SBNO2: variants seen among roughly 807,000 people sequenced by gnomAD.
SBNO2 encodes the protein protein strawberry notch homolog 2.
In SBNO2, 89 loss-of-function variants were observed where a neutral mutation model predicts 146.3. That is an observed-to-expected ratio of 0.61 (90% CI 0.51 to 0.73). The LOEUF is 0.73. SBNO2 is among the 30% of genes least tolerant of loss of function. SBNO2 has a pLI of 0.00. For synonymous variants in SBNO2, 1,147 were observed against 892.6 expected (o/e 1.29, Z -5.08); for missense variants, 2,092 against 2,003.7 (o/e 1.04, Z -0.84).
intron 1 of SBNO2, among the ~76,000 whole-genome samples, chr19:1,162,136 G>C (rs1568638629): frequency 6.8e-6 from 1 of 148,124 alleles, no homozygotes; most frequent in Non-Finnish European, 1.5e-5. Flanking sequence ...GCAGGGATGG[G>C]GTCTTTTAAA....
intron 1 of SBNO2, among the ~76,000 whole-genome samples, chr19:1,164,603 CAGG>C (rs144254935): frequency 0.074 from 70 of 952 alleles, no homozygotes; most frequent in Admixed American, 0.074. Flanking sequence ...GCAGTGGAGA[CAGG>C]AGGAGGAGGA....
chr19:1,120,458 T>C (rs2079887755), intron 11 of SBNO2, among the ~76,000 whole-genome samples: 1 of 151,864 alleles, frequency 6.6e-6, no homozygotes, highest in African/African-American at 2.4e-5. Context: ...CCTCTGCCTC[T>C]CAGATTCAAG....
chr19:1,123,759 C>T (rs1318270262), intron 6 of SBNO2, 120 bp from the exon 7 acceptor site: 14 of 1,126,044 alleles, frequency 1.2e-5, no homozygotes, highest in Middle Eastern at 2.8e-4. Context: ...GGGTGGGAGA[C>T]GGCTCTGTCT....
At chr19:1,121,323 T>C (rs1323090712) in intron 11 of SBNO2, among the ~76,000 whole-genome samples, 1 of 152,232 alleles carries the variant, frequency 6.6e-6, no homozygotes, top group Non-Finnish European at 1.5e-5. Flanking sequence ...ATCTCAGGGT[T>C]ATCGCTATTT....
At chr19:1,170,400 G>A (rs901033723) in intron 1 of SBNO2, among the ~76,000 whole-genome samples, 2 of 152,134 alleles carry the variant, frequency 1.3e-5, no homozygotes, top group South Asian at 2.1e-4. Flanking sequence ...GGTTGGGGGC[G>A]AGAGTGCAGA....
Position 1,147,432 on chromosome 19 carries a change from T to TA in SBNO2, c.168-13_168-12insT. The TA allele has an allele frequency of 1.5e-6, 1 of 660,006 alleles. No individual in the cohort carries two copies. The highest frequency in any genetic ancestry group is 2.5e-5 in the South Asian group (1 of 40,502). The allele number at this position is 660,006 out of a possible 1,614,324, so 40.9% of individuals were successfully genotyped here. The stretch of plus-strand genomic sequence containing the variant: ...AGCTCATGAACGGGCTGGAGGGAGA[T>TA]GGGGGGGGGGGAGGTGAGATGGGGT... On this transcript the variant is annotated splice_polypyrimidine_tract_variant and intron_variant, in intron 3 of 31. Coordinates refer to ENST00000361757, the MANE Select transcript of SBNO2 (RefSeq NM_014963.3).
Position 1,111,741 on chromosome 19 carries a change from C to A in SBNO2, c.2701-127G>T. 6.7e-6 allele frequency: 5 copies of A among 742,012 alleles called. No individual in the cohort carries two copies. In the South Asian group the frequency reaches 8.8e-5, roughly 13 times the overall value. The allele number at this position is 742,012 out of a possible 1,614,324, so 46.0% of individuals were successfully genotyped here. ...CCTGCCCTCCCCTAGACTCCTAGAC[C>A]CCACCTCCCCCAGCTCTCAGCCACC... On this transcript the variant is annotated intron_variant, in intron 23 of 31. Coordinates refer to ENST00000361757, the MANE Select transcript of SBNO2 (RefSeq NM_014963.3).
At chr19:1,116,160 G>A in intron 16 of SBNO2, 57 bp from the exon 17 acceptor site, 1 of 1,527,532 alleles carries the variant, frequency 6.5e-7, no homozygotes, top group Non-Finnish European at 8.9e-7. Context: ...AGGCGGGGTT[G>A]CTCTCCAGGA....
Position 1,128,006 on chromosome 19 carries a change from G to A in SBNO2, c.280-241C>T, listed in dbSNP as rs1226504243. Among the ~76,000 whole-genome samples the A allele has an allele frequency of 3.3e-5, 5 of 152,272 alleles. No individual in the cohort carries two copies. The South Asian group carries it at 1.0e-3, about 32-fold the overall frequency. ...TTTTTTTGTATTTTTACTAGGGACG[G>A]GGTTTCACCATGTTGGCCAGCCTGG... On this transcript the variant is annotated intron_variant, in intron 4 of 31. Coordinates refer to ENST00000361757, the MANE Select transcript of SBNO2 (RefSeq NM_014963.3).
rs749757173 is a variant in SBNO2, at chr19:1,114,408, G to A, written c.1900C>T (p.Arg634Cys). 19 of 1,533,720 alleles carry A rather than the reference G, an allele frequency of 1.2e-5. No individual in the cohort carries two copies. Among genetic ancestry groups the A allele is most frequent in the South Asian group, 2.5e-5 (2 of 81,580 alleles). The part of the protein sequence containing the change: ...GSKRKRRPRG[R>C]GAKAPRLACE... ...GCCAGCCGGGGGGCTTTGGCCCCGC[G>A]TCCCCGAGGTCGCCCTGCAGGGAAG... Residue 634 changes from arginine to cysteine, a missense_variant, in exon 18 of 32, where the codon CGC becomes TGC. By Grantham distance (180) the Arg-to-Cys change is radical. Coordinates refer to ENST00000361757, the MANE Select transcript of SBNO2 (RefSeq NM_014963.3).
At chr19:1,164,589 A>G (rs1330028045) in intron 1 of SBNO2, among the ~76,000 whole-genome samples, 4 of 96,482 alleles carry the variant, frequency 4.1e-5, no homozygotes, top group Non-Finnish European at 8.0e-5. Flanking sequence ...CCCAGATGCC[A>G]GGGGCAGTGG....
At chr19:1,129,591 G>C (rs2080005311) in intron 4 of SBNO2, among the ~76,000 whole-genome samples, 1 of 152,144 alleles carries the variant, frequency 6.6e-6, no homozygotes, top group Admixed American at 6.5e-5. Context: ...TCATCCCACT[G>C]AGGCCCACGA....
intron 5 of SBNO2, 103 bp from the exon 6 acceptor site, chr19:1,124,125 C>T: frequency 9.5e-7 from 1 of 1,049,978 alleles, no homozygotes; most frequent in Non-Finnish European, 1.4e-6. Flanking sequence ...CTGCCCCGTC[C>T]TCGCCTCCCC....
chr19:1,161,791 G>A (rs940810614), intron 1 of SBNO2, among the ~76,000 whole-genome samples: 2 of 151,796 alleles, frequency 1.3e-5, no homozygotes, highest in Non-Finnish European at 2.9e-5. Flanking sequence ...GAGGCCCGGA[G>A]CCTCCCTGAC....
chr19:1,120,757 C>T (rs1253559660), intron 11 of SBNO2, among the ~76,000 whole-genome samples: 1 of 152,234 alleles, frequency 6.6e-6, no homozygotes, highest in African/African-American at 2.4e-5. Context: ...CAACCTCCGA[C>T]TCCCTGGTTC....
In SBNO2 at chr19:1,120,027, A is replaced by T. The variant is rs1472102648; in HGVS notation, c.1150-4T>A. 20 of 1,549,910 alleles carry T rather than the reference A, an allele frequency of 1.3e-5. No homozygotes were observed. The highest frequency in any genetic ancestry group is 1.7e-5 in the Non-Finnish European group (20 of 1,146,330). On this transcript the variant is annotated splice_polypyrimidine_tract_variant and splice_region_variant and intron_variant, in intron 11 of 31. Transcript: ENST00000361757. ...TGTGACACTCGTCGAACACGATCTG[A>T]GGCACACGTGGGTTAAGGAGTATTC... is the stretch of plus-strand genomic sequence containing the variant.
In SBNO2 at chr19:1,157,502, G is replaced by A. The variant is rs1012893886; in HGVS notation, c.-126-3100C>T. Reference sequence around the variant, plus strand: ...AGCCAAACGTCCAGCGGGCAGCAGAGCGTGTCCCCTGCCTGGTTTTATTTT... The same window carrying A: ...AGCCAAACGTCCAGCGGGCAGCAGAACGTGTCCCCTGCCTGGTTTTATTTT... On this transcript the variant is annotated intron_variant, in intron 1 of 31. Transcript: ENST00000361757. The surrounding 1 kb of genome is among the most constrained non-coding windows in gnomAD (Gnocchi z 6.8). Among the ~76,000 whole-genome samples, 1 of 152,060 alleles carries A rather than the reference G, an allele frequency of 6.6e-6. No homozygotes were observed. Among genetic ancestry groups the A allele is most frequent in the Admixed American group, 6.6e-5 (1 of 15,262 alleles).
chr19:1,158,225 G>A lies in SBNO2; in HGVS notation c.-126-3823C>T, dbSNP rs191458358. ...CCCTGGGGGTCCCTGAGCACCTGTC[G>A]TGTGGAGCCCCTTCGCGCGCTCCGC... On this transcript the variant is annotated intron_variant, in intron 1 of 31. Coordinates refer to ENST00000361757, the MANE Select transcript of SBNO2 (RefSeq NM_014963.3). The surrounding 1 kb of genome is among the most constrained non-coding windows in gnomAD (Gnocchi z 9.9). Among the ~76,000 whole-genome samples the A allele has an allele frequency of 7.4e-4, 113 of 152,328 alleles. No homozygotes were observed. The highest frequency in any genetic ancestry group is 2.6e-3 in the African/African-American group (108 of 41,576).
At position 1,117,519 on chromosome 19, in the gene SBNO2, G is replaced by A. The variant is rs2079847870; in HGVS notation, c.1528-20C>T. ...GGCCCACTGCAATGACACGTCACAA[G>A]GCGCCCCTGAGCTGTGGCTCCTGGC... On this transcript the variant is annotated intron_variant, in intron 14 of 31. Transcript: ENST00000361757. 1.9e-6 allele frequency: 3 copies of A among 1,560,604 alleles called. No homozygotes were observed. Among genetic ancestry groups the A allele is most frequent in the African/African-American group, 2.7e-5 (2 of 73,368 alleles).
Sources: gnomAD v4.1 joint callset for allele counts (sites outside exome capture counted in the v4.1 genomes callset) on GRCh38, gnomAD v4.1.1 for gene constraint, Gnocchi (gnomAD v3.1) non-coding constraint, MANE v1.5 for transcripts, NCBI Gene and HGNC (gene_info 2026-07-23, HGNC 2026-07-21) for gene names.